Variants in DOK6 observed in about 807,000 individuals in gnomAD.
The protein encoded by DOK6 is docking protein 6, also known as downstream of tyrosine kinase 6.
Under a neutral mutation model 44.0 loss-of-function variants are expected in DOK6, and 22 were observed. The observed-to-expected ratio is 0.50, with a 90% CI of 0.36 to 0.71. The LOEUF is 0.71. DOK6 is among the 30% of genes least tolerant of loss of function. The pLI is 0.00. For synonymous variants in DOK6, 166 were observed against 145.5 expected, an observed-to-expected ratio of 1.14 and a Z score of -1.01; for missense variants, 340 against 416.4, an observed-to-expected ratio of 0.82 and a Z score of 1.60.
At chr18:69,755,152 A>C (rs1287284093) in intron 6 of DOK6, among the ~76,000 whole-genome samples, 1 of 152,248 alleles carries the variant, frequency 6.6e-6, no homozygotes, top group Non-Finnish European at 1.5e-5. Context: ...AAGAGGGAAG[A>C]GTAGAGAAAC....
chr18:69,823,625 T>TGTGTG (rs1981641415), intron 7 of DOK6, among the ~76,000 whole-genome samples: 1 of 146,760 alleles, frequency 6.8e-6, no homozygotes, highest in South Asian at 2.2e-4. Flanking sequence ...GTGTGTGTGT[T>TGTGTG]TGTGTGTGTG....
At chr18:69,549,869 A>AAT (rs1160948742) in intron 1 of DOK6, among the ~76,000 whole-genome samples, 17 of 106,208 alleles carry the variant, frequency 1.6e-4, no homozygotes, top group African/African-American at 5.6e-4. Flanking sequence ...AAGAGTTTTT[A>AAT]ATTTTTTTTT....
chr18:69,840,482 A>G (rs900955830), intron 7 of DOK6, among the ~76,000 whole-genome samples: 1 of 152,226 alleles, frequency 6.6e-6, no homozygotes, highest in Non-Finnish European at 1.5e-5. Flanking sequence ...TTCTCTGTAC[A>G]TTGTTAGCAT....
In DOK6 at chr18:69,668,868, A is replaced by T. The variant is rs570823487; in HGVS notation, c.290-8866A>T. Among the ~76,000 whole-genome samples, 24 of 152,310 alleles carry T rather than the reference A, an allele frequency of 1.6e-4. 1 individual carries two copies. In the South Asian group the frequency reaches 3.5e-3, roughly 22 times the overall value. ...CATCTGACTACTCAATAGTTAACAG[A>T]GTTTGTAATTAAAAGTACTTTGTCA... On this transcript the variant is annotated intron_variant, in intron 3 of 7. Coordinates refer to ENST00000382713, the MANE Select transcript of DOK6 (RefSeq NM_152721.6).
At chr18:69,789,172 C>G (rs528365300) in intron 7 of DOK6, among the ~76,000 whole-genome samples, 87 of 152,242 alleles carry the variant, frequency 5.7e-4, no homozygotes, top group Non-Finnish European at 1.2e-3. Context: ...TTTTGTCTCC[C>G]TAATTCCGAG....
chr18:69,436,217 G>A (rs1453761313), intron 1 of DOK6, among the ~76,000 whole-genome samples: 3 of 148,558 alleles, frequency 2.0e-5, no homozygotes, highest in African/African-American at 7.5e-5. Context: ...TGTGCAGAAC[G>A]TGCAGGTTTG....
intron 7 of DOK6, among the ~76,000 whole-genome samples, chr18:69,768,906 G>T (rs1324687586): frequency 6.8e-6 from 1 of 147,990 alleles, no homozygotes; most frequent in African/African-American, 2.5e-5. Context: ...CAGGAGCATG[G>T]TTATATGTTT....
intron 1 of DOK6, among the ~76,000 whole-genome samples, chr18:69,498,535 C>G (rs1295692669): frequency 3.9e-5 from 6 of 152,076 alleles, no homozygotes; most frequent in African/African-American, 1.4e-4. Context: ...TATATATGCT[C>G]ACATATAATT....
chr18:69,672,408 G>T (rs1985819098), intron 3 of DOK6, among the ~76,000 whole-genome samples: 2 of 152,210 alleles, frequency 1.3e-5, no homozygotes, highest in Non-Finnish European at 2.9e-5. Context: ...GCCCAGGCTG[G>T]AGTGCAATGG....
rs1985516146 is a variant in DOK6 at position 69,661,160 on chromosome 18, C to A, written c.290-16574C>A. The stretch of plus-strand genomic sequence containing the variant: ...CAACAGAAATGTATGTCTCCCAGTC[C>A]CCGAAGCTAGGATGTCCAAGATCAA... On this transcript the variant is annotated intron_variant, in intron 3 of 7. Coordinates refer to ENST00000382713, the MANE Select transcript of DOK6 (RefSeq NM_152721.6). 2.0e-5 allele frequency: 3 copies of A among 152,154 alleles called. No homozygotes were observed. The East Asian group carries it at 5.8e-4, about 29-fold the overall frequency. The allele number at this position is 152,154 out of a possible 1,614,324, so 9.4% of individuals were successfully genotyped here.
chr18:69,525,600 C>A (rs935454301), intron 1 of DOK6, among the ~76,000 whole-genome samples: 3 of 152,004 alleles, frequency 2.0e-5, no homozygotes, highest in African/African-American at 7.2e-5. Flanking sequence ...ACTACACTTG[C>A]CATTTCCCTG....
chr18:69,801,116 TTTGTTTTGTTTTG>T (rs1980893760), intron 7 of DOK6, among the ~76,000 whole-genome samples: 2 of 146,226 alleles, frequency 1.4e-5, no homozygotes. Context: ...TTTGTTTTGT[TTTGTTTTGTTTTG>T]TTTTGTTTTA....
chr18:69,450,890 TA>T (rs1287822152), intron 1 of DOK6, among the ~76,000 whole-genome samples: 1 of 149,454 alleles, frequency 6.7e-6, no homozygotes, highest in Non-Finnish European at 1.5e-5. Context: ...AGGCCTGCCC[TA>T]AAAGAGCTCC....
chr18:69,564,692 A>G, intron 2 of DOK6, 98 bp downstream of exon 2: 1 of 937,028 alleles, frequency 1.1e-6, no homozygotes, highest in South Asian at 1.7e-5. Flanking sequence ...GGCAAAAATT[A>G]ATGGCTTGGG....
chr18:69,742,861 T>C (rs1378162863), intron 6 of DOK6, among the ~76,000 whole-genome samples: 1 of 152,244 alleles, frequency 6.6e-6, no homozygotes, highest in Non-Finnish European at 1.5e-5. Flanking sequence ...TGCTACATGA[T>C]AATAAATACA....
chr18:69,828,882 G>GTATATATATATATATATATATA lies in DOK6; in HGVS notation c.857-12361_857-12360insATATATATATATATATATATAT, dbSNP rs1475499795. On this transcript the variant is annotated intron_variant, in intron 7 of 7. Transcript: ENST00000382713. ...CCATTATTAATAGCAATACATTTAT[G>GTATATATATATATATATATATA]TGTATATATATATATATAGTATGTA... is the stretch of plus-strand genomic sequence containing the variant. 1.4e-3 allele frequency among the ~76,000 whole-genome samples: 36 copies of GTATATATATATATATATATATA among 25,150 alleles called. 1 individual carries two copies. The highest frequency in any genetic ancestry group is 0.031 in the Middle Eastern group (1 of 32). The allele number at this position is 25,150 out of a possible 152,430, so 16.5% of individuals were successfully genotyped here.
chr18:69,760,271 AAG>A (rs1333454236), intron 7 of DOK6, among the ~76,000 whole-genome samples: 25 of 152,190 alleles, frequency 1.6e-4, no homozygotes, highest in African/African-American at 5.8e-4. Flanking sequence ...AAGAAATAAA[AAG>A]AGAAATTCAG....
At chr18:69,501,663 A>G (rs1452912830) in intron 1 of DOK6, among the ~76,000 whole-genome samples, 1 of 152,172 alleles carries the variant, frequency 6.6e-6, no homozygotes, top group Non-Finnish European at 1.5e-5. Flanking sequence ...GTTGGGACAC[A>G]TGGAACCTCT....
intron 1 of DOK6, among the ~76,000 whole-genome samples, chr18:69,563,771 T>C (rs1982900700): frequency 6.6e-6 from 1 of 151,974 alleles, no homozygotes; most frequent in Non-Finnish European, 1.5e-5. Context: ...CTGCCCATTG[T>C]GCGCATATAA....
Sources: allele counts gnomAD v4.1 joint callset (sites outside exome capture counted in the v4.1 genomes callset), GRCh38; gene constraint gnomAD v4.1.1; transcripts MANE v1.5; gene names NCBI Gene and HGNC (gene_info 2026-07-23, HGNC 2026-07-21).